The following ADAM12 variants were observed in gnomAD, a reference collection of about 807,000 sequenced individuals.
ADAM12 encodes the protein ADAM metallopeptidase domain 12, also known as disintegrin and metalloproteinase domain-containing protein 12.
In ADAM12, 70 loss-of-function variants were observed where a neutral mutation model predicts 106.4. The observed-to-expected ratio is 0.66, with a 90% CI of 0.54 to 0.80. The LOEUF is 0.80. Among genes scored for constraint, ADAM12 ranks in the 30% least tolerant of loss-of-function variants. The probability of loss-of-function intolerance (pLI) is 0.00; values close to 1 mark genes in which losing one functional copy is unlikely to be tolerated. For missense variants in ADAM12, 1,010 were observed against 1,171.9 expected, an observed-to-expected ratio of 0.86 and a Z score of 2.02; for synonymous variants, 420 against 433.5, an observed-to-expected ratio of 0.97 and a Z score of 0.39.
At chr10:126,044,312 A>C (rs1373508404) in intron 17 of ADAM12, among the ~76,000 whole-genome samples, 1 of 151,978 alleles carries the variant, frequency 6.6e-6, no homozygotes, top group African/African-American at 2.4e-5. Flanking sequence ...ATTAGGTTGA[A>C]TCCTTTGGGA....
At chr10:126,308,994 C>A (rs1960964736) in intron 2 of ADAM12, among the ~76,000 whole-genome samples, 1 of 152,170 alleles carries the variant, frequency 6.6e-6, no homozygotes, top group African/African-American at 2.4e-5. Flanking sequence ...GCCTTCTATT[C>A]ACCTCTTATA....
intron 4 of ADAM12, among the ~76,000 whole-genome samples, chr10:126,151,513 T>C (rs1956727957): frequency 6.6e-6 from 1 of 152,184 alleles, no homozygotes; most frequent in South Asian, 2.1e-4. Flanking sequence ...TTGTAAAATT[T>C]ACTTAGGATT....
chr10:126,276,407 T>G (rs1303970683), intron 3 of ADAM12, among the ~76,000 whole-genome samples: 2 of 152,248 alleles, frequency 1.3e-5, no homozygotes, highest in Non-Finnish European at 2.9e-5. Flanking sequence ...TTGATTGCCT[T>G]TGGTGTCTAA....
chr10:126,334,790 T>C (rs1438940307), intron 1 of ADAM12, among the ~76,000 whole-genome samples: 2 of 152,132 alleles, frequency 1.3e-5, no homozygotes, highest in African/African-American at 2.4e-5. Context: ...CCCTGATGCC[T>C]ACATCCGCGC....
intron 1 of ADAM12, among the ~76,000 whole-genome samples, chr10:126,357,985 C>T (rs769737437): frequency 1.1e-4 from 16 of 152,056 alleles, no homozygotes; most frequent in East Asian, 3.9e-4. Flanking sequence ...CTTCCAAATG[C>T]GTTACCCTGA....
intron 12 of ADAM12, among the ~76,000 whole-genome samples, chr10:126,070,062 C>T (rs936785855): frequency 6.6e-6 from 1 of 152,190 alleles, no homozygotes; most frequent in Non-Finnish European, 1.5e-5. Flanking sequence ...CCAACATGGC[C>T]TCTCCTGAGA....
chr10:126,191,449 G>A, intron 3 of ADAM12, among the ~76,000 whole-genome samples: 1 of 152,134 alleles, frequency 6.6e-6, no homozygotes, highest in East Asian at 1.9e-4. Context: ...CAGATGAAAG[G>A]TGATGATGGT....
At chr10:126,130,833 C>T (rs1014966035) in intron 5 of ADAM12, among the ~76,000 whole-genome samples, 4 of 152,150 alleles carry the variant, frequency 2.6e-5, no homozygotes, top group East Asian at 1.9e-4. Context: ...GAATACCTTC[C>T]CCAGTTGTCA....
intron 2 of ADAM12, among the ~76,000 whole-genome samples, chr10:126,280,367 G>A (rs1292833412): frequency 6.6e-6 from 1 of 152,060 alleles, no homozygotes; most frequent in Non-Finnish European, 1.5e-5. Flanking sequence ...TGTCTCTCAT[G>A]GTAGCCATTA....
At chr10:126,059,839 A>G (rs1954714400) in intron 14 of ADAM12, among the ~76,000 whole-genome samples, 1 of 152,276 alleles carries the variant, frequency 6.6e-6, no homozygotes, top group Non-Finnish European at 1.5e-5. Context: ...GGTTCTCACA[A>G]AAAACATTGG....
intron 3 of ADAM12, among the ~76,000 whole-genome samples, chr10:126,186,617 G>T (rs1957403366): frequency 1.3e-5 from 2 of 152,086 alleles, no homozygotes; most frequent in African/African-American, 4.8e-5. Flanking sequence ...TTGGCTGAGT[G>T]TGGGGGCAGT....
intron 3 of ADAM12, among the ~76,000 whole-genome samples, chr10:126,276,519 G>A (rs1959253137): frequency 6.6e-6 from 1 of 152,062 alleles, no homozygotes; most frequent in African/African-American, 2.4e-5. Context: ...GAATAGGTAT[G>A]TAACCTTTTG....
At chr10:126,356,288 T>G (rs2133894785) in intron 1 of ADAM12, among the ~76,000 whole-genome samples, 1 of 152,244 alleles carries the variant, frequency 6.6e-6, no homozygotes, top group Non-Finnish European at 1.5e-5. Context: ...CAGAGGAAAT[T>G]GCAATGACCA....
chr10:126,155,383 G>T, intron 3 of ADAM12, 78 bp from the exon 4 acceptor site: 1 of 1,339,116 alleles, frequency 7.5e-7, no homozygotes, highest in Non-Finnish European at 1.0e-6. Context: ...CTAGGCTATA[G>T]GGTAGCAAGA....
At chr10:126,253,610 G>A (rs1391445183) in intron 3 of ADAM12, among the ~76,000 whole-genome samples, 1 of 152,178 alleles carries the variant, frequency 6.6e-6, no homozygotes, top group African/African-American at 2.4e-5. Flanking sequence ...TGGGCTAAGA[G>A]GGGGAACACC....
chr10:126,132,535 C>CT (rs2036936910), intron 5 of ADAM12, among the ~76,000 whole-genome samples: 1 of 123,670 alleles, frequency 8.1e-6, no homozygotes, highest in Non-Finnish European at 1.8e-5. Flanking sequence ...CCCCCCCCCC[C>CT]TCAACTAGTC....
At chr10:126,245,112 G>A (rs1322941447) in intron 3 of ADAM12, among the ~76,000 whole-genome samples, 1 of 152,218 alleles carries the variant, frequency 6.6e-6, no homozygotes, top group Admixed American at 6.5e-5. Context: ...AAGGCACCAG[G>A]ACATCCCCTC....
At chr10:126,279,946 T>G (rs1959484063) in intron 2 of ADAM12, among the ~76,000 whole-genome samples, 1 of 152,212 alleles carries the variant, frequency 6.6e-6, no homozygotes, top group African/African-American at 2.4e-5. Flanking sequence ...TTGTCAGTTA[T>G]TTCGGTACTA....
chr10:126,068,632 G>T (rs1954922564), intron 12 of ADAM12, among the ~76,000 whole-genome samples: 1 of 152,192 alleles, frequency 6.6e-6, no homozygotes, highest in African/African-American at 2.4e-5. Flanking sequence ...CCAATGCCCT[G>T]TCCGGGAAGG....
Sources: gnomAD v4.1 joint callset for allele counts (sites outside exome capture counted in the v4.1 genomes callset) on GRCh38, gnomAD v4.1.1 for gene constraint, MANE v1.5 for transcripts, NCBI Gene and HGNC (gene_info 2026-07-23, HGNC 2026-07-21) for gene names.